AKR1B10: variants seen among roughly 807,000 people sequenced by gnomAD.
AKR1B10 encodes the protein aldo-keto reductase family 1 member B10, also known as ARP.
A neutral mutation model predicts 38.9 loss-of-function variants in AKR1B10; 39 were observed. That is an observed-to-expected ratio of 1.00 (90% CI 0.78 to 1.31). The LOEUF (loss-of-function observed/expected upper bound fraction) is 1.31, where lower values mean the gene tolerates loss of function less well. AKR1B10 is among the 50% of genes most tolerant of loss of function. The pLI is 0.00. For synonymous variants in AKR1B10, 148 were observed against 141.2 expected (o/e 1.05, Z -0.34); for missense variants, 361 against 382.6 (o/e 0.94, Z 0.47).
Position 134,537,593 on chromosome 7 carries a change from G to C in AKR1B10, c.673G>C (p.Asp225His). ...SPDRPWAKPE[D>H]PSLLEDPKIK... ...TTCTGCCCCTAGGGCCAAGCCAGAA[G>C]ACCCTTCCCTGCTGGAGGATCCCAA... is the stretch of plus-strand genomic sequence containing the variant. Residue 225 changes from aspartate to histidine, a missense_variant, in exon 7 of 10, where the codon GAC becomes CAC. Asp to His is a moderately conservative substitution (Grantham distance 81). Coordinates refer to ENST00000359579, the MANE Select transcript of AKR1B10 (RefSeq NM_020299.5). The C allele has an allele frequency of 6.2e-7, 1 of 1,613,936 alleles. No individual in the cohort carries two copies. The highest frequency in any genetic ancestry group is 8.5e-7 in the Non-Finnish European group (1 of 1,179,896).
chr7:134,540,057 C>A (rs1379714153), intron 9 of AKR1B10, among the ~76,000 whole-genome samples: 1 of 151,998 alleles, frequency 6.6e-6, no homozygotes, highest in African/African-American at 2.4e-5. Context: ...GAAACCCCGT[C>A]TCTACCAAAA....
chr7:134,536,563 C>G, intron 4 of AKR1B10, 87 bp from the exon 5 acceptor site: 2 of 1,536,532 alleles, frequency 1.3e-6, no homozygotes, highest in Non-Finnish European at 1.7e-6. Context: ...GATCCTTTAG[C>G]AATTTCTGCC....
chr7:134,535,437 T>A (rs1470103925), intron 4 of AKR1B10, among the ~76,000 whole-genome samples: 1 of 152,062 alleles, frequency 6.6e-6, no homozygotes, highest in Non-Finnish European at 1.5e-5. Flanking sequence ...GCCAGTATTT[T>A]TTAAAGCTCC....
chr7:134,529,804 CTTCCCTTCTTTCT>C (rs1807801569), intron 1 of AKR1B10, among the ~76,000 whole-genome samples: 1 of 151,092 alleles, frequency 6.6e-6, no homozygotes, highest in Admixed American at 6.6e-5. Flanking sequence ...CTTTTCTTTC[CTTCCCTTCTTTCT>C]CTCCCTCTCT....
chr7:134,536,104 C>T (rs1466610338), intron 4 of AKR1B10, among the ~76,000 whole-genome samples: 1 of 152,218 alleles, frequency 6.6e-6, no homozygotes, highest in East Asian at 1.9e-4. Context: ...GAATGCATGA[C>T]CTTCCTGCAA....
chr7:134,539,375 C>T (rs571323853), intron 9 of AKR1B10, among the ~76,000 whole-genome samples: 1 of 152,226 alleles, frequency 6.6e-6, no homozygotes, highest in South Asian at 2.1e-4. Context: ...TTGCTGCCTC[C>T]ATAGGCTTAG....
intron 8 of AKR1B10, 38 bp from the exon 9 acceptor site, chr7:134,538,897 G>C (rs1335327638): frequency 6.2e-7 from 1 of 1,611,998 alleles, no homozygotes; most frequent in Admixed American, 1.7e-5. Flanking sequence ...AGCTAGAATG[G>C]CCTTACTGAT....
In AKR1B10 at chr7:134,540,809, T is replaced by C. The variant is rs1235625300; in HGVS notation, c.909-238T>C. On this transcript the variant is annotated intron_variant, in intron 9 of 9. Coordinates refer to ENST00000359579, the MANE Select transcript of AKR1B10 (RefSeq NM_020299.5). Reference sequence around the variant, plus strand: ...CGCCTGACACCAGGCTTACTATGGGTTGTCATTACGAGTTTATTCTGCTGC... The same window carrying C: ...CGCCTGACACCAGGCTTACTATGGGCTGTCATTACGAGTTTATTCTGCTGC... 3.3e-5 allele frequency among the ~76,000 whole-genome samples: 5 copies of C among 152,256 alleles called. No individual in the cohort carries two copies. In the East Asian group the frequency reaches 9.6e-4, roughly 29 times the overall value.
At position 134,527,962 on chromosome 7, in the gene AKR1B10, C is replaced by T. The variant is rs370374498; in HGVS notation, c.51C>T (p.Gly17=). The change falls in exon 1 of 10, where the codon GGC becomes GGT. Residue 17 remains glycine, a synonymous_variant. Transcript: ENST00000359579. ...LSTKAKMPIV[G]LGTWKSPLGK... ...CCAAAGCCAAGATGCCCATTGTGGG[C>T]CTGGGCACTTGGAAGGTAAATATGC... 1 of 1,614,008 alleles carries T rather than the reference C, an allele frequency of 6.2e-7. No homozygotes were observed. Among genetic ancestry groups the T allele is most frequent in the Non-Finnish European group, 8.5e-7 (1 of 1,179,964 alleles).
At chr7:134,535,606 T>TC in intron 4 of AKR1B10, 1 of 967,728 alleles carries the variant, frequency 1.0e-6, no homozygotes, top group Non-Finnish European at 1.2e-6. Context: ...TTTTTTTTTT[T>TC]TTCTTTTGAG....
At chr7:134,534,331 A>G (rs1585753611) in intron 4 of AKR1B10, among the ~76,000 whole-genome samples, 1 of 152,328 alleles carries the variant, frequency 6.6e-6, no homozygotes, top group East Asian at 1.9e-4. Context: ...CATGTTGGCC[A>G]GTCTGGTCTC....
At chr7:134,541,018 C>T (rs930460162) in intron 9 of AKR1B10, 29 bp from the exon 10 acceptor site, 2 of 1,495,346 alleles carry the variant, frequency 1.3e-6, no homozygotes, top group African/African-American at 2.8e-5. Context: ...CTCAGTTTCT[C>T]TGTTTTTGTT....
chr7:134,537,475 G>C (rs1479387793), intron 6 of AKR1B10, 105 bp from the exon 7 acceptor site: 6 of 1,286,148 alleles, frequency 4.7e-6, no homozygotes, highest in Admixed American at 4.2e-5. Context: ...CTGTCTCCCA[G>C]ATGGAGAGGC....
At chr7:134,540,895 A>C in intron 9 of AKR1B10, 152 bp from the exon 10 acceptor site, 1 of 640,932 alleles carries the variant, frequency 1.6e-6, no homozygotes, top group Admixed American at 2.8e-5. Flanking sequence ...GGGAAGGTCA[A>C]AGTGTGGGCA....
chr7:134,529,417 T>C (rs906511789), intron 1 of AKR1B10, among the ~76,000 whole-genome samples: 1 of 152,126 alleles, frequency 6.6e-6, no homozygotes, highest in Admixed American at 6.5e-5. Context: ...CCTGGGTGAG[T>C]TTACCAGACA....
intron 8 of AKR1B10, among the ~76,000 whole-genome samples, chr7:134,538,536 C>G (rs1033192894): frequency 5.2e-4 from 79 of 152,200 alleles, no homozygotes; most frequent in African/African-American, 1.9e-3. Flanking sequence ...TGAGAAGACC[C>G]TCAGTTGCCC....
intron 1 of AKR1B10, among the ~76,000 whole-genome samples, chr7:134,529,077 T>G (rs975106092): frequency 6.6e-6 from 1 of 152,156 alleles, no homozygotes; most frequent in Non-Finnish European, 1.5e-5. Context: ...CTACCCTAAC[T>G]AGTGATGAGA....
rs1234461119 is a variant in AKR1B10 at position 134,527,778 on chromosome 7, A to G, written c.-134A>G. The G allele has an allele frequency of 3.0e-6, 4 of 1,311,598 alleles. No individual in the cohort carries two copies. Among genetic ancestry groups the G allele is most frequent in the Non-Finnish European group, 4.2e-6 (4 of 953,172 alleles). The allele number at this position is 1,311,598 out of a possible 1,614,324, so 81.2% of individuals were successfully genotyped here. A position where few individuals can be genotyped will look rare whatever the true frequency, so the allele number is the denominator to read the frequency against. On this transcript the variant is annotated 5_prime_UTR_variant, in exon 1 of 10. Coordinates refer to ENST00000359579, the MANE Select transcript of AKR1B10 (RefSeq NM_020299.5). ...GGAGAATTGCTTGAACCCAGGAGAC[A>G]GAGGTTGTAGTGAGCTGAGATCGCA...
In AKR1B10 at chr7:134,527,597, A is replaced by G. The variant is rs2117530059; in HGVS notation, c.-315A>G. 1 of 197,038 alleles carries G rather than the reference A, an allele frequency of 5.1e-6. No individual in the cohort carries two copies. The allele number at this position is 197,038 out of a possible 1,614,324, so 12.2% of individuals were successfully genotyped here. A position where few individuals can be genotyped will look rare whatever the true frequency, so the allele number is the denominator to read the frequency against. On this transcript the variant is annotated 5_prime_UTR_variant, in exon 1 of 10. Transcript: ENST00000359579. The stretch of plus-strand genomic sequence containing the variant: ...TAAGCAGCCTGTGGCCGGGCACAGT[A>G]GCTCACACCTGTAATCCCAGCACTT...
Sources: allele counts gnomAD v4.1 joint callset (sites outside exome capture counted in the v4.1 genomes callset), GRCh38; gene constraint gnomAD v4.1.1; transcripts MANE v1.5; gene names NCBI Gene and HGNC (gene_info 2026-07-23, HGNC 2026-07-21).